RNF4: variants seen among roughly 807,000 people sequenced by gnomAD.
RNF4 encodes the protein ring finger protein 4.
A neutral mutation model predicts 24.3 loss-of-function variants in RNF4; 7 were observed. The ratio of observed to expected loss-of-function variants is 0.29; its 90% CI spans 0.16 to 0.54. The LOEUF is 0.54. Among genes scored for constraint, RNF4 ranks in the 20% least tolerant of loss-of-function variants. RNF4 has a pLI of 0.95. For missense variants in RNF4, 209 were observed against 248.5 expected (o/e 0.84, Z 1.07); for synonymous variants, 83 against 84.3 (o/e 0.98, Z 0.09).
rs750844745 is a variant in RNF4, at chr4:2,513,736, C to T, written c.490C>T (p.Arg164Cys). The T allele has an allele frequency of 3.0e-5, 48 of 1,613,824 alleles. No homozygotes were observed. Among genetic ancestry groups the T allele is most frequent in the Non-Finnish European group, 3.6e-5 (43 of 1,179,904 alleles). The change falls in exon 8 of 8, where the codon CGT becomes TGT. Residue 164 changes from arginine to cysteine, a missense_variant. Transcript: ENST00000314289. Reference sequence around the variant, plus strand: ...CCATGTCTTCTGTAGCCAGTGCCTCCGTGATTCCCTGAAGAATGCTAATAC... The same window carrying T: ...CCATGTCTTCTGTAGCCAGTGCCTCTGTGATTCCCTGAAGAATGCTAATAC... ...CGHVFCSQCL[R>C]DSLKNANTCP...
intron 4 of RNF4, among the ~76,000 whole-genome samples, chr4:2,501,398 G>A (rs978840645): frequency 2.0e-5 from 3 of 151,206 alleles, no homozygotes; most frequent in African/African-American, 7.4e-5. Flanking sequence ...CCTGATGCCT[G>A]CTGCGTCCTG....
chr4:2,495,646 G>GT (rs946096417), intron 2 of RNF4, among the ~76,000 whole-genome samples: 31 of 148,298 alleles, frequency 2.1e-4, no homozygotes, highest in African/African-American at 2.0e-4. Flanking sequence ...TTTTGGGGGG[G>GT]GGTGAGATGG....
chr4:2,510,802 G>T (rs1318345092), intron 4 of RNF4, among the ~76,000 whole-genome samples: 4 of 152,196 alleles, frequency 2.6e-5, no homozygotes, highest in Admixed American at 2.6e-4. Context: ...CCCTAGATGG[G>T]TAAGAGCACT....
intron 3 of RNF4, among the ~76,000 whole-genome samples, chr4:2,500,251 G>C (rs1238394144): frequency 6.6e-6 from 1 of 152,132 alleles, no homozygotes; most frequent in African/African-American, 2.4e-5. Context: ...AGTGAGAGTG[G>C]TCAGCTTCAC....
chr4:2,492,652 G>A (rs1388624922), intron 2 of RNF4, among the ~76,000 whole-genome samples: 1 of 152,232 alleles, frequency 6.6e-6, no homozygotes, highest in Non-Finnish European at 1.5e-5. Flanking sequence ...AGAGGGAACA[G>A]TGATGGAAAT....
At chr4:2,491,051 C>T (rs760579514) in intron 2 of RNF4, among the ~76,000 whole-genome samples, 23 of 152,116 alleles carry the variant, frequency 1.5e-4, no homozygotes, top group African/African-American at 5.6e-4. Context: ...CACTGCATTT[C>T]GGCAGGATGA....
chr4:2,475,179 A>G (rs1334763013), intron 1 of RNF4, among the ~76,000 whole-genome samples: 1 of 152,144 alleles, frequency 6.6e-6, no homozygotes, highest in African/African-American at 2.4e-5. Flanking sequence ...TTTTTTATTT[A>G]TTTTTTAAGA....
chr4:2,482,376 A>G (rs1735269426), intron 1 of RNF4, among the ~76,000 whole-genome samples: 1 of 152,212 alleles, frequency 6.6e-6, no homozygotes, highest in Non-Finnish European at 1.5e-5. Context: ...AACACCAGGT[A>G]GCTTGGCAAG....
chr4:2,477,625 C>T (rs944791700), intron 1 of RNF4, among the ~76,000 whole-genome samples: 1 of 152,092 alleles, frequency 6.6e-6, no homozygotes, highest in African/African-American at 2.4e-5. Context: ...GGGGGAGTTT[C>T]CCTACACAAG....
At chr4:2,487,603 A>G (rs987693064) in intron 1 of RNF4, among the ~76,000 whole-genome samples, 5 of 152,080 alleles carry the variant, frequency 3.3e-5, no homozygotes, top group African/African-American at 4.8e-5. Context: ...TAATTTTTTT[A>G]TAGAGACAGG....
rs3911906 is a variant in RNF4 at position 2,515,696 on chromosome 4, G to A, written c.*1877G>A. ...TTTGTTTCTACTATTCAGAAACTGC[G>A]AACTAGGGAAAGGTTGGTATGAAGA... On this transcript the variant is annotated 3_prime_UTR_variant, in exon 8 of 8. Coordinates refer to ENST00000314289, the MANE Select transcript of RNF4 (RefSeq NM_002938.5). The A allele has an allele frequency of 3.9e-5, 6 of 152,574 alleles. No individual in the cohort carries two copies. The highest frequency in any genetic ancestry group is 1.2e-4 in the African/African-American group (5 of 41,428). The allele number at this position is 152,574 out of a possible 1,614,324, so 9.5% of individuals were successfully genotyped here.
intron 4 of RNF4, among the ~76,000 whole-genome samples, chr4:2,510,778 C>T (rs922096053): frequency 1.3e-4 from 20 of 152,282 alleles, no homozygotes; most frequent in African/African-American, 3.9e-4. Context: ...AGGGAAAGGG[C>T]GTTCCACTGG....
Position 2,515,312 on chromosome 4 carries a change from G to C in RNF4, c.*1493G>C, listed in dbSNP as rs1267063812. The C allele has an allele frequency of 6.6e-6, 1 of 152,632 alleles. No individual in the cohort carries two copies. The highest frequency in any genetic ancestry group is 1.9e-4 in the East Asian group (1 of 5,206). The allele number at this position is 152,632 out of a possible 1,614,324, so 9.5% of individuals were successfully genotyped here. ...CCCTCCTCTATGTGAAAAGAAAATT[G>C]TTTTATTCTTCATTCTGACTTTTTA... On this transcript the variant is annotated 3_prime_UTR_variant, in exon 8 of 8. Transcript: ENST00000314289.
Position 2,514,123 on chromosome 4 carries a change from C to A in RNF4, c.*304C>A. The stretch of plus-strand genomic sequence containing the variant: ...TCTGGTTGCAGAATCTGCACATTTG[C>A]CAAGAAATTTTCCCTGTTTGGAAAG... On this transcript the variant is annotated 3_prime_UTR_variant, in exon 8 of 8. Coordinates refer to ENST00000314289, the MANE Select transcript of RNF4 (RefSeq NM_002938.5). The A allele has an allele frequency of 3.0e-6, 1 of 330,006 alleles. No individual in the cohort carries two copies. Among genetic ancestry groups the A allele is most frequent in the Non-Finnish European group, 5.6e-6 (1 of 177,104 alleles). The allele number at this position is 330,006 out of a possible 1,614,324, so 20.4% of individuals were successfully genotyped here.
chr4:2,498,558 A>G (rs1172370177), intron 3 of RNF4, among the ~76,000 whole-genome samples: 1 of 152,186 alleles, frequency 6.6e-6, no homozygotes, highest in Non-Finnish European at 1.5e-5. Flanking sequence ...ATTGTTGTAT[A>G]TCAGTATATG....
intron 1 of RNF4, among the ~76,000 whole-genome samples, chr4:2,485,597 G>T (rs1028611535): frequency 5.9e-5 from 9 of 152,128 alleles, no homozygotes; most frequent in Admixed American, 6.6e-5. Context: ...GGCGTGAGTT[G>T]TTTCTCCTTT....
At chr4:2,480,570 T>C (rs925628896) in intron 1 of RNF4, 2 of 151,608 alleles carry the variant, frequency 1.3e-5, no homozygotes, top group African/African-American at 4.9e-5. Flanking sequence ...CAGACCTTGA[T>C]AATTTCAGTG....
intron 4 of RNF4, chr4:2,505,418 T>TG (rs1318869462): frequency 1.3e-5 from 2 of 151,494 alleles, no homozygotes; most frequent in Non-Finnish European, 2.9e-5. Context: ...CTCCGCCTCC[T>TG]GGGTTCACAC....
intron 1 of RNF4, among the ~76,000 whole-genome samples, chr4:2,488,239 G>A (rs760463612): frequency 2.0e-5 from 3 of 152,152 alleles, no homozygotes; most frequent in Non-Finnish European, 4.4e-5. Flanking sequence ...GAGGCAAGTG[G>A]ATCACCTGAG....
Sources: allele counts gnomAD v4.1 joint callset (sites outside exome capture counted in the v4.1 genomes callset), GRCh38; gene constraint gnomAD v4.1.1; transcripts MANE v1.5; gene names NCBI Gene and HGNC (gene_info 2026-07-23, HGNC 2026-07-21).